Variants in AP2B1 observed in about 807,000 individuals in gnomAD.
The protein encoded by AP2B1 is adaptor related protein complex 2 subunit beta 1, also known as AP-2 complex subunit beta.
Under a neutral mutation model 102.0 loss-of-function variants are expected in AP2B1, and 23 were observed. The observed-to-expected ratio is 0.23, with a 90% CI of 0.16 to 0.32. The LOEUF (loss-of-function observed/expected upper bound fraction) is 0.32. Among genes scored for constraint, AP2B1 ranks in the 10% least tolerant of loss-of-function variants. AP2B1 has a pLI of 1.00. For missense variants in AP2B1, 541 were observed against 1,157.4 expected, an observed-to-expected ratio of 0.47 and a Z score of 7.73; for synonymous variants, 381 against 421.2, an observed-to-expected ratio of 0.90 and a Z score of 1.17.
At chr17:35,686,893 C>T (rs1443549499) in intron 18 of AP2B1, among the ~76,000 whole-genome samples, 1 of 152,084 alleles carries the variant, frequency 6.6e-6, no homozygotes, top group Non-Finnish European at 1.5e-5. Flanking sequence ...GTGAGAATGG[C>T]GTGAACCCGG....
chr17:35,721,212 T>C (rs1456981186), intron 21 of AP2B1, among the ~76,000 whole-genome samples: 3 of 152,200 alleles, frequency 2.0e-5, no homozygotes, highest in Admixed American at 6.5e-5. Flanking sequence ...TCTCTGTAAG[T>C]AGGTAATCCT....
rs1272602815 is a variant in AP2B1 at position 35,641,910 on chromosome 17, C to T, written c.1471C>T (p.Leu491=). The T allele has an allele frequency of 6.2e-7, 1 of 1,612,854 alleles. No individual in the cohort carries two copies. Among genetic ancestry groups the T allele is most frequent in the Non-Finnish European group, 8.5e-7 (1 of 1,179,040 alleles). ...QLTLLTAIVK[L]FLKKPSETQE... is the part of the protein sequence containing the mutation. ...CACTCTGCTTACTGCCATAGTGAAG[C>T]TGTTTCTCAAGAAACCATCAGAAAC... Residue 491 remains leucine (L), a synonymous_variant, in exon 12 of 22, where the codon CTG becomes TTG. Coordinates refer to ENST00000610402, the MANE Select transcript of AP2B1 (RefSeq NM_001030006.2).
chr17:35,612,351 T>TA (rs1257067417), intron 5 of AP2B1, among the ~76,000 whole-genome samples: 1 of 152,218 alleles, frequency 6.6e-6, no homozygotes, highest in Non-Finnish European at 1.5e-5. Context: ...TTGTTACACA[T>TA]ACTCATATTA....
At chr17:35,636,204 T>A (rs1022614151) in intron 9 of AP2B1, 137 bp from the exon 10 acceptor site, 1 of 598,976 alleles carries the variant, frequency 1.7e-6, no homozygotes, top group Non-Finnish European at 3.0e-6. Flanking sequence ...TAGCCTGTAG[T>A]ACAGCTTGGT....
At chr17:35,720,467 A>G (rs1169807828) in intron 21 of AP2B1, among the ~76,000 whole-genome samples, 2 of 150,150 alleles carry the variant, frequency 1.3e-5, no homozygotes, top group Non-Finnish European at 3.0e-5. Flanking sequence ...AAATGCAAAT[A>G]AAAGTTAAAA....
At chr17:35,611,245 A>G (rs1012539529) in intron 5 of AP2B1, among the ~76,000 whole-genome samples, 1 of 152,214 alleles carries the variant, frequency 6.6e-6, no homozygotes, top group East Asian at 1.9e-4. Flanking sequence ...TTGTGCTGCA[A>G]CCGTCAACCA....
At chr17:35,614,655 TAAAAA>T (rs3031833) in intron 5 of AP2B1, among the ~76,000 whole-genome samples, 4 of 93,168 alleles carry the variant, frequency 4.3e-5, no homozygotes, top group Admixed American at 1.3e-4. Context: ...GTTGAATTAG[TAAAAA>T]AAAAAAAAAA....
intron 5 of AP2B1, among the ~76,000 whole-genome samples, chr17:35,609,403 G>A (rs1310211127): frequency 6.6e-6 from 1 of 150,600 alleles, no homozygotes; most frequent in Non-Finnish European, 1.5e-5. Flanking sequence ...CTGGAGTGCA[G>A]TGGCGTGATC....
chr17:35,657,991 A>G (rs2075271624), intron 14 of AP2B1, among the ~76,000 whole-genome samples, 200 bp downstream of exon 14: 1 of 152,190 alleles, frequency 6.6e-6, no homozygotes, highest in Non-Finnish European at 1.5e-5. Flanking sequence ...GTATGTCTGC[A>G]AGTGTATGGG....
intron 12 of AP2B1, among the ~76,000 whole-genome samples, chr17:35,650,310 A>G (rs567789811): frequency 1.3e-5 from 2 of 152,132 alleles, no homozygotes; most frequent in South Asian, 4.2e-4. Context: ...GCCCAGGCTG[A>G]TCTCAAACTC....
intron 18 of AP2B1, among the ~76,000 whole-genome samples, chr17:35,704,062 T>C (rs2076292749): frequency 6.6e-6 from 1 of 152,196 alleles, no homozygotes; most frequent in Non-Finnish European, 1.5e-5. Context: ...TCTTTCTCTT[T>C]TCCTGTCTCC....
rs143169957 is a variant in AP2B1 at position 35,615,568 on chromosome 17, T to C, written c.525+7181T>C. Among the ~76,000 whole-genome samples the C allele has an allele frequency of 8.5e-3, 1,292 of 152,320 alleles. 11 individuals carry two copies. Among genetic ancestry groups the C allele is most frequent in the African/African-American group, 0.026 (1,068 of 41,556 alleles). On this transcript the variant is annotated intron_variant, in intron 5 of 21. Coordinates refer to ENST00000610402, the MANE Select transcript of AP2B1 (RefSeq NM_001030006.2). Reference sequence around the variant, plus strand: ...ATGTAGGCTATGTTAAACTGCCTATTAAAGGTAGGCCCAGAATGCATAGAA... The same window carrying C: ...ATGTAGGCTATGTTAAACTGCCTATCAAAGGTAGGCCCAGAATGCATAGAA...
At chr17:35,593,431 A>G (rs1405685446) in intron 1 of AP2B1, among the ~76,000 whole-genome samples, 2 of 107,110 alleles carry the variant, frequency 1.9e-5, no homozygotes, top group African/African-American at 7.3e-5. Context: ...CCTACTAAAT[A>G]CCCACAAAAC....
intron 5 of AP2B1, among the ~76,000 whole-genome samples, chr17:35,611,479 G>GTA (rs1756018584): frequency 2.0e-5 from 3 of 152,140 alleles, no homozygotes; most frequent in Non-Finnish European, 4.4e-5. Context: ...GTGTGTGTGT[G>GTA]TGCGCGCGCG....
chr17:35,634,195 T>A (rs1192320188), intron 9 of AP2B1, among the ~76,000 whole-genome samples: 7 of 152,218 alleles, frequency 4.6e-5, no homozygotes, highest in Admixed American at 4.6e-4. Context: ...TCTTTTTACT[T>A]ACTTATTTTG....
At chr17:35,695,887 G>A (rs893033595) in intron 18 of AP2B1, among the ~76,000 whole-genome samples, 4 of 152,264 alleles carry the variant, frequency 2.6e-5, no homozygotes, top group South Asian at 4.1e-4. Flanking sequence ...TTAATAGTGG[G>A]GGTGGGGTGG....
chr17:35,638,164 G>A (rs1168375548), intron 10 of AP2B1, among the ~76,000 whole-genome samples: 1 of 152,128 alleles, frequency 6.6e-6, no homozygotes. Flanking sequence ...GGGTGAAGAT[G>A]TGTATCTGAA....
intron 4 of AP2B1, among the ~76,000 whole-genome samples, chr17:35,607,092 A>G (rs886481368): frequency 1.3e-5 from 2 of 152,092 alleles, no homozygotes; most frequent in African/African-American, 2.4e-5. Context: ...TTTAGTAGAG[A>G]TGGGGTTTCA....
At chr17:35,669,728 A>G (rs1170161051) in intron 14 of AP2B1, among the ~76,000 whole-genome samples, 1 of 152,236 alleles carries the variant, frequency 6.6e-6, no homozygotes, top group Non-Finnish European at 1.5e-5. Context: ...CATTGAGAAG[A>G]TAAATCCTCT....
Sources: gnomAD v4.1 joint callset for allele counts (sites outside exome capture counted in the v4.1 genomes callset) on GRCh38, gnomAD v4.1.1 for gene constraint, MANE v1.5 for transcripts, NCBI Gene and HGNC (gene_info 2026-07-23, HGNC 2026-07-21) for gene names.